Variants in DNAH3 observed in about 807,000 individuals in gnomAD.
DNAH3 encodes axonemal beta dynein heavy chain 3.
In DNAH3, 332 loss-of-function variants were observed where a neutral mutation model predicts 432.5. The observed-to-expected ratio is 0.77, with a 90% CI of 0.70 to 0.84. DNAH3 has a LOEUF of 0.84. Among genes scored for constraint, DNAH3 ranks in the 40% least tolerant of loss-of-function variants. The pLI is 0.00. For missense variants in DNAH3, 4,861 were observed against 5,114.0 expected (o/e 0.95, Z 1.51); for synonymous variants, 1,956 against 1,900.2 (o/e 1.03, Z -0.76).
At chr16:21,010,441 T>C (rs1220997208) in intron 41 of DNAH3, among the ~76,000 whole-genome samples, 3 of 152,048 alleles carry the variant, frequency 2.0e-5, no homozygotes, top group African/African-American at 7.2e-5. Flanking sequence ...AATGAGTGAA[T>C]GAAGAGAAAT....
At chr16:20,990,353 GTATT>G (rs772976142) in intron 44 of DNAH3, among the ~76,000 whole-genome samples, 14 of 151,772 alleles carry the variant, frequency 9.2e-5, no homozygotes, top group South Asian at 2.1e-4. Context: ...TTAGATATCT[GTATT>G]TATTTATATA....
chr16:21,006,695 T>C (rs2087320953), intron 41 of DNAH3, among the ~76,000 whole-genome samples: 1 of 152,234 alleles, frequency 6.6e-6, no homozygotes, highest in African/African-American at 2.4e-5. Flanking sequence ...TTTGTGTGTG[T>C]GTGTCTATTT....
At chr16:20,999,142 C>A (rs1385108600) in intron 43 of DNAH3, among the ~76,000 whole-genome samples, 2 of 152,114 alleles carry the variant, frequency 1.3e-5, no homozygotes, top group Non-Finnish European at 2.9e-5. Flanking sequence ...GTAGTCCCAG[C>A]TTCTTGGGAG....
intron 8 of DNAH3, 107 bp from the exon 10 acceptor site, chr16:21,125,477 A>G (rs1043591997): frequency 1.2e-6 from 1 of 837,100 alleles, no homozygotes; most frequent in African/African-American, 1.7e-5. Context: ...TCAATGTCCC[A>G]CCAAGCAGCC....
chr16:21,117,994 T>C (rs1248436417), intron 11 of DNAH3, among the ~76,000 whole-genome samples: 1 of 152,136 alleles, frequency 6.6e-6, no homozygotes, highest in Admixed American at 6.5e-5. Flanking sequence ...TTTTTTGTTT[T>C]GTTTTGTTTT....
At chr16:21,103,130 A>G (rs573545658) in intron 16 of DNAH3, among the ~76,000 whole-genome samples, 104 of 152,276 alleles carry the variant, frequency 6.8e-4, no homozygotes, top group African/African-American at 2.4e-3. Context: ...ATGCAAAGGC[A>G]TAAGAATGAT....
At chr16:20,969,552 G>A (rs2085234036) in intron 52 of DNAH3, among the ~76,000 whole-genome samples, 1 of 152,182 alleles carries the variant, frequency 6.6e-6, no homozygotes, top group Non-Finnish European at 1.5e-5. Context: ...AGCCTTGACT[G>A]AGCTCAGCTC....
At chr16:21,122,648 G>A (rs950901581) in intron 9 of DNAH3, among the ~76,000 whole-genome samples, 2 of 152,066 alleles carry the variant, frequency 1.3e-5, no homozygotes, top group East Asian at 3.8e-4. Flanking sequence ...ATTCCCTTTT[G>A]TTTATGCGGC....
At chr16:21,044,992 A>G (rs2089628804) in intron 31 of DNAH3, among the ~76,000 whole-genome samples, 1 of 151,970 alleles carries the variant, frequency 6.6e-6, no homozygotes. Context: ...ATTTGCGGAT[A>G]TTGAACCAGC....
exon 53 of DNAH3, chr16:20,963,300 A>C: frequency 6.2e-7 from 1 of 1,613,792 alleles, no homozygotes; most frequent in Non-Finnish European, 8.5e-7. Context: ...TTGGGTCTGC[A>C]CTTGGAGACA....
chr16:21,098,338 C>T (rs2091743518), intron 17 of DNAH3, among the ~76,000 whole-genome samples: 1 of 150,162 alleles, frequency 6.7e-6, no homozygotes, highest in Non-Finnish European at 1.5e-5. Flanking sequence ...ACTTGGAAGG[C>T]TGAGGCAGGA....
intron 24 of DNAH3, among the ~76,000 whole-genome samples, chr16:21,066,157 GT>G (rs796921792): frequency 0.024 from 3,374 of 141,602 alleles, 123 homozygotes; most frequent in African/African-American, 0.078. Context: ...ATCATTTTTT[GT>G]TTTTTTTTTT....
Position 21,123,999 on chromosome 16 carries a change from C to T in DNAH3, c.1404+1176G>A, listed in dbSNP as rs191132339. Among the ~76,000 whole-genome samples the T allele has an allele frequency of 4.4e-3, 668 of 152,202 alleles. 2 individuals carry two copies. The highest frequency in any genetic ancestry group is 0.024 in the Middle Eastern group (7 of 294). Reference sequence around the variant, plus strand: ...GTAGAGATAGGGTTTCACCAGTCGACCAGGCTGGTCTCAAACTCCTGACCT... The same window carrying T: ...GTAGAGATAGGGTTTCACCAGTCGATCAGGCTGGTCTCAAACTCCTGACCT... On this transcript the variant is annotated intron_variant, in intron 9 of 61. Transcript: ENST00000261383.
chr16:20,980,308 T>G (rs920052624), intron 49 of DNAH3, among the ~76,000 whole-genome samples: 7 of 96,708 alleles, frequency 7.2e-5, no homozygotes, highest in Admixed American at 6.4e-4. Context: ...ATATATTATA[T>G]TATATATTAT....
Position 21,145,383 on chromosome 16 carries a change from G to T in DNAH3, c.246C>A (p.Tyr82Ter). The change falls in exon 3 of 62, where the codon TAC (tyrosine) becomes TAA (stop). Residue 82 changes from tyrosine to a stop codon, truncating the protein, a stop_gained. Coordinates refer to ENST00000261383, the Ensembl canonical transcript of DNAH3. LOFTEE classifies it high-confidence loss of function. Reference sequence around the variant, plus strand: ...ATGACGTGCGTTGCATCAAGGGCGGGTAAAAGCTGTGTGACATGACAGTCT... The same window carrying T: ...ATGACGTGCGTTGCATCAAGGGCGGTTAAAAGCTGTGTGACATGACAGTCT... 6.2e-7 allele frequency: 1 copy of T among 1,614,162 alleles called. No individual in the cohort carries two copies.
At chr16:21,004,097 T>G (rs183021204) in intron 41 of DNAH3, among the ~76,000 whole-genome samples, 30 of 152,334 alleles carry the variant, frequency 2.0e-4, no homozygotes, top group Admixed American at 4.6e-4. Flanking sequence ...CAAGAGATAC[T>G]GGGTCCTAAA....
At chr16:20,936,952 T>C in intron 59 of DNAH3, 99 bp from the exon 60 acceptor site, 1 of 910,836 alleles carries the variant, frequency 1.1e-6, no homozygotes, top group Non-Finnish European at 1.7e-6. Context: ...AGTTAATTAA[T>C]GCACAGTCAT....
intron 36 of DNAH3, among the ~76,000 whole-genome samples, chr16:21,033,586 G>A (rs147590198): frequency 0.017 from 2,534 of 152,034 alleles, 71 homozygotes; most frequent in African/African-American, 0.058. Context: ...AGGAGGGAGG[G>A]AAAAAACTAA....
chr16:21,014,336 C>A (rs2087758009), intron 41 of DNAH3, among the ~76,000 whole-genome samples: 1 of 152,096 alleles, frequency 6.6e-6, no homozygotes, highest in Non-Finnish European at 1.5e-5. Flanking sequence ...ATTGCATTAA[C>A]AAGCTAAAGA....
Sources: allele counts gnomAD v4.1 joint callset (sites outside exome capture counted in the v4.1 genomes callset), GRCh38; gene constraint gnomAD v4.1.1; transcripts MANE v1.5; gene names NCBI Gene and HGNC (gene_info 2026-07-23, HGNC 2026-07-21).